PCDHGA6: variants seen among roughly 807,000 people sequenced by gnomAD.
The protein encoded by PCDHGA6 is protocadherin gamma-A6.
A neutral mutation model predicts 60.6 loss-of-function variants in PCDHGA6; 41 were observed. The ratio of observed to expected loss-of-function variants is 0.68; its 90% CI spans 0.53 to 0.88. The LOEUF is 0.88. PCDHGA6 is among the 40% of genes least tolerant of loss of function. The probability of loss-of-function intolerance (pLI) is 0.00; values close to 1 mark genes in which losing one functional copy is unlikely to be tolerated. For missense variants in PCDHGA6, 1,312 were observed against 1,203.0 expected, an observed-to-expected ratio of 1.09 and a Z score of -1.34; for synonymous variants, 594 against 524.4, an observed-to-expected ratio of 1.13 and a Z score of -1.81.
At chr5:141,450,829 A>ATTAT (rs1554136902) in intron 1 of PCDHGA6, among the ~76,000 whole-genome samples, 14 of 135,142 alleles carry the variant, frequency 1.0e-4, no homozygotes, top group African/African-American at 3.3e-4. Context: ...TATTATTATT[A>ATTAT]TTTTTTTTTT....
At chr5:141,389,926 A>G (rs1442843006) in intron 1 of PCDHGA6, 2 of 1,613,766 alleles carry the variant, frequency 1.2e-6, no homozygotes, top group Non-Finnish European at 1.7e-6. Context: ...GACCCCTCTG[A>G]CCTCCAGGCT....
intron 1 of PCDHGA6, among the ~76,000 whole-genome samples, chr5:141,472,792 C>A (rs2099297177): frequency 6.6e-6 from 1 of 151,698 alleles, no homozygotes; most frequent in African/African-American, 2.4e-5. Context: ...TCAAGATCAG[C>A]CTGACCAACA....
Position 141,490,055 on chromosome 5 carries a change from G to A in PCDHGA6, c.2425-4752G>A, listed in dbSNP as rs746297447. The A allele has an allele frequency of 1.9e-6, 3 of 1,614,068 alleles. No individual in the cohort carries two copies. The Admixed American group carries it at 5.0e-5, about 27-fold the overall frequency. On this transcript the variant is annotated intron_variant, in intron 1 of 3. Transcript: ENST00000517434. This position sits in a 1 kb window ranked among gnomAD's most constrained non-coding sequence, Gnocchi z 5.4. ...CTCAATGCCACTGATCCAGACGAGG[G>A]CACCAACGGCCAACTAGACTATTCT...
At chr5:141,384,411 T>C (rs751134591) in intron 1 of PCDHGA6, 7 of 1,613,860 alleles carry the variant, frequency 4.3e-6, no homozygotes, top group South Asian at 1.1e-5. Flanking sequence ...TGTCCTCCTA[T>C]GTCTCCATAA....
chr5:141,427,103 G>A (rs1216465844), intron 1 of PCDHGA6: 3 of 457,888 alleles, frequency 6.6e-6, no homozygotes, highest in Non-Finnish European at 1.3e-5. Flanking sequence ...GTGTCAATGC[G>A]GAGATCACCT....
In PCDHGA6 at chr5:141,510,929, C is replaced by T. The variant is rs1238694958; in HGVS notation, c.2573-18C>T. The T allele has an allele frequency of 3.1e-6, 5 of 1,613,988 alleles. No homozygotes were observed. The highest frequency in any genetic ancestry group is 4.2e-6 in the Non-Finnish European group (5 of 1,179,988). On this transcript the variant is annotated intron_variant, in intron 3 of 3. Coordinates refer to ENST00000517434, the MANE Select transcript of PCDHGA6 (RefSeq NM_018919.3). ...ACCCTAAGTTTAGCTCCCACCTGAT[C>T]TTCCTCTGTCTCTGCAGAAGCTGCT...
intron 1 of PCDHGA6, among the ~76,000 whole-genome samples, chr5:141,492,170 C>A (rs1383768075): frequency 6.6e-6 from 1 of 152,226 alleles, no homozygotes; most frequent in Non-Finnish European, 1.5e-5. Context: ...ATCCCCGCAT[C>A]ACCCAACCGC....
intron 1 of PCDHGA6, chr5:141,385,474 T>C (rs554098554): frequency 2.1e-6 from 3 of 1,436,644 alleles, no homozygotes; most frequent in African/African-American, 1.4e-5. Flanking sequence ...GGTGACACTT[T>C]AATATAGAAC....
chr5:141,470,022 G>A (rs892106953), intron 1 of PCDHGA6, among the ~76,000 whole-genome samples: 2 of 152,188 alleles, frequency 1.3e-5, no homozygotes, highest in African/African-American at 2.4e-5. Context: ...CCAGCTACTC[G>A]GGATGCTGAG....
Position 141,487,945 on chromosome 5 carries a change from G to A in PCDHGA6, c.2425-6862G>A, listed in dbSNP as rs2099669554. ...CAGTGCACAGGGTACAGTGCACCAG[G>A]CAGTCACTTGGACAAAGGTGGCTGT... On this transcript the variant is annotated intron_variant, in intron 1 of 3. Transcript: ENST00000517434. This position sits in a 1 kb window ranked among gnomAD's most constrained non-coding sequence, Gnocchi z 5.0. Among the ~76,000 whole-genome samples the A allele has an allele frequency of 6.6e-6, 1 of 152,198 alleles. No individual in the cohort carries two copies. Among genetic ancestry groups the A allele is most frequent in the Non-Finnish European group, 1.5e-5 (1 of 68,036 alleles).
chr5:141,469,419 A>G (rs1047562022), intron 1 of PCDHGA6, among the ~76,000 whole-genome samples: 2 of 152,066 alleles, frequency 1.3e-5, no homozygotes, highest in South Asian at 2.1e-4. Flanking sequence ...TACTAAAAAT[A>G]TAAAACTTAG....
At chr5:141,454,997 A>G (rs2098809547) in intron 1 of PCDHGA6, among the ~76,000 whole-genome samples, 2 of 151,192 alleles carry the variant, frequency 1.3e-5, no homozygotes, top group Admixed American at 6.6e-5. Flanking sequence ...TATTTTTAGT[A>G]GAGACGGGGT....
chr5:141,496,533 G>A (rs2099769399), intron 2 of PCDHGA6, among the ~76,000 whole-genome samples: 2 of 152,176 alleles, frequency 1.3e-5, no homozygotes, highest in Admixed American at 1.3e-4. Context: ...GTGTATGGCA[G>A]AGATTCCAGC....
chr5:141,375,129 T>C lies in PCDHGA6; in HGVS notation c.1046T>C (p.Val349Ala), dbSNP rs749288394. Residue 349 changes from valine to alanine, a missense_variant, in exon 1 of 4, where the codon GTT becomes GCT. By Grantham distance (64) the Val-to-Ala change is moderately conservative (BLOSUM62 0). Transcript: ENST00000517434. ...AATGATAATGTACCAGAAGTGGTTG[T>C]TACATCTGGAAGCAGAACAATTGCT... ...DVNDNVPEVV[V>A]TSGSRTIAES... is the part of the protein sequence containing the mutation. 2.5e-6 allele frequency: 4 copies of C among 1,613,890 alleles called. No homozygotes were observed. Among genetic ancestry groups the C allele is most frequent in the Non-Finnish European group, 2.5e-6 (3 of 1,179,864 alleles).
chr5:141,409,914 G>T lies in PCDHGA6; in HGVS notation c.2424+33407G>T, dbSNP rs772848211. 58 of 1,613,230 alleles carry T rather than the reference G, an allele frequency of 3.6e-5. No homozygotes were observed. In the East Asian group the frequency reaches 1.2e-3, roughly 35 times the overall value. On this transcript the variant is annotated intron_variant, in intron 1 of 3. Transcript: ENST00000517434. ...CTGTACCCAGCTCTGGGTCCTGACGGCTCCGCGTTCTTCGATATGGTACCT... is the reference window on the plus strand; with the variant it reads ...CTGTACCCAGCTCTGGGTCCTGACGTCTCCGCGTTCTTCGATATGGTACCT...
chr5:141,473,362 C>G (rs2099320242), intron 1 of PCDHGA6, among the ~76,000 whole-genome samples: 1 of 152,166 alleles, frequency 6.6e-6, no homozygotes, highest in South Asian at 2.1e-4. Flanking sequence ...AAGTGGCCAC[C>G]AAAATAGCAT....
intron 1 of PCDHGA6, chr5:141,388,461 G>C (rs1423485997): frequency 6.2e-7 from 1 of 1,613,762 alleles, no homozygotes; most frequent in Admixed American, 1.7e-5. Context: ...TAAATACCCT[G>C]AGATGGTATT....
chr5:141,474,981 G>A (rs1336399018), intron 1 of PCDHGA6, among the ~76,000 whole-genome samples: 1 of 152,126 alleles, frequency 6.6e-6, no homozygotes, highest in African/African-American at 2.4e-5. Context: ...ATTTTGTTTG[G>A]TGACAACAAT....
rs1386460009 is a variant in PCDHGA6 at position 141,390,018 on chromosome 5, C to T, written c.2424+13511C>T. On this transcript the variant is annotated intron_variant, in intron 1 of 3. Transcript: ENST00000517434. ...GGCCATGATTCTGGCCATTGCCTTG[C>T]GCCTGCGACGCTCCTCCAGCCCCGC... is the stretch of plus-strand genomic sequence containing the variant. The T allele has an allele frequency of 6.2e-7, 1 of 1,614,062 alleles. No individual in the cohort carries two copies. Among genetic ancestry groups the T allele is most frequent in the South Asian group, 1.1e-5 (1 of 91,078 alleles).
Sources: gnomAD v4.1 joint callset for allele counts (sites outside exome capture counted in the v4.1 genomes callset) on GRCh38, gnomAD v4.1.1 for gene constraint, Gnocchi (gnomAD v3.1) non-coding constraint, MANE v1.5 for transcripts, NCBI Gene and HGNC (gene_info 2026-07-23, HGNC 2026-07-21) for gene names.